Variants in FRS2 observed in about 807,000 individuals in gnomAD.
The protein encoded by FRS2 is FGFR signalling adaptor.
Under a neutral mutation model 43.9 loss-of-function variants are expected in FRS2, and 8 were observed. The observed-to-expected ratio is 0.18, with a 90% CI of 0.11 to 0.33. FRS2 has a LOEUF of 0.33. Among genes scored for constraint, FRS2 ranks in the 10% least tolerant of loss-of-function variants. The probability of loss-of-function intolerance (pLI) is 1.00; values close to 1 mark genes in which losing one functional copy is unlikely to be tolerated. For synonymous variants in FRS2, 219 were observed against 220.3 expected, an observed-to-expected ratio of 0.99 and a Z score of 0.05; for missense variants, 534 against 627.6, an observed-to-expected ratio of 0.85 and a Z score of 1.59.
intron 1 of FRS2, among the ~76,000 whole-genome samples, chr12:69,517,889 T>C (rs1450593842): frequency 6.6e-6 from 1 of 152,196 alleles, no homozygotes; most frequent in East Asian, 1.9e-4. Context: ...CACAGGCATT[T>C]TCCCCCCACT....
intron 3 of FRS2, among the ~76,000 whole-genome samples, chr12:69,549,238 A>G (rs956667743): frequency 7.2e-5 from 11 of 152,200 alleles, no homozygotes; most frequent in African/African-American, 2.7e-4. Flanking sequence ...TTGGACTTAC[A>G]AAGTTAAAAA....
Position 69,572,100 on chromosome 12 carries a change from C to G in FRS2, c.413-18C>G, listed in dbSNP as rs370121141. ...TGCCCCGCCCCCCTTTTCCTTAAACCAATAAACAAAAACTCAGCTCCAGGA... is the reference window on the plus strand; with the variant it reads ...TGCCCCGCCCCCCTTTTCCTTAAACGAATAAACAAAAACTCAGCTCCAGGA... On this transcript the variant is annotated intron_variant, in intron 7 of 8. Coordinates refer to ENST00000549921, the MANE Select transcript of FRS2 (RefSeq NM_001278356.2). The G allele has an allele frequency of 1.9e-6, 3 of 1,608,464 alleles. No individual in the cohort carries two copies. Among genetic ancestry groups the G allele is most frequent in the African/African-American group, 2.7e-5 (2 of 74,738 alleles).
chr12:69,541,370 G>A (rs144098406), intron 3 of FRS2, among the ~76,000 whole-genome samples: 1 of 152,150 alleles, frequency 6.6e-6, no homozygotes, highest in East Asian at 1.9e-4. Flanking sequence ...AAACTTCAGG[G>A]TAAACAAAAT....
rs1391584596 is a variant in FRS2, at chr12:69,578,812, A to G, written c.*3857A>G. ...ATAAAGGTAGCTTATTAGATTTTTA[A>G]TTTTTTCTTTTATAAAAAATTGTCC... On this transcript the variant is annotated 3_prime_UTR_variant, in exon 9 of 9. Coordinates refer to ENST00000549921, the MANE Select transcript of FRS2 (RefSeq NM_001278356.2). The G allele has an allele frequency of 6.6e-6, 1 of 152,526 alleles. No homozygotes were observed. The highest frequency in any genetic ancestry group is 2.4e-5 in the African/African-American group (1 of 41,412). The allele number at this position is 152,526 out of a possible 1,614,324, so 9.4% of individuals were successfully genotyped here.
intron 1 of FRS2, among the ~76,000 whole-genome samples, chr12:69,514,786 C>T (rs951627122): frequency 6.6e-6 from 1 of 151,604 alleles, no homozygotes; most frequent in Non-Finnish European, 1.5e-5. Flanking sequence ...TGAGCTAAAT[C>T]ACACCACTGC....
Position 69,495,696 on chromosome 12 carries a change from T to C in FRS2, c.-261+25166T>C, listed in dbSNP as rs1315679635. Reference sequence around the variant, plus strand: ...TGAGGCCAGGAGTTTAAGACTGGCCTGGGCAACATAGCAAGACACTGTCTC... The same window carrying C: ...TGAGGCCAGGAGTTTAAGACTGGCCCGGGCAACATAGCAAGACACTGTCTC... On this transcript the variant is annotated intron_variant, in intron 1 of 8. Coordinates refer to ENST00000549921, the MANE Select transcript of FRS2 (RefSeq NM_001278356.2). 7.2e-5 allele frequency among the ~76,000 whole-genome samples: 11 copies of C among 152,338 alleles called. No individual in the cohort carries two copies. In the East Asian group the frequency reaches 2.1e-3, roughly 29 times the overall value.
intron 3 of FRS2, among the ~76,000 whole-genome samples, chr12:69,548,759 A>T (rs1461083526): frequency 6.6e-6 from 1 of 152,224 alleles, no homozygotes; most frequent in Non-Finnish European, 1.5e-5. Context: ...GCTGTTAGGA[A>T]CAGCTCTTAA....
At chr12:69,492,904 A>G (rs183821587) in intron 1 of FRS2, among the ~76,000 whole-genome samples, 22 of 152,356 alleles carry the variant, frequency 1.4e-4, no homozygotes, top group East Asian at 3.9e-4. Flanking sequence ...ATGAGCATCA[A>G]CAAACACTTT....
intron 1 of FRS2, among the ~76,000 whole-genome samples, chr12:69,511,635 C>G (rs1374741893): frequency 6.6e-6 from 1 of 152,098 alleles, no homozygotes; most frequent in Non-Finnish European, 1.5e-5. Flanking sequence ...AGGATTAGGT[C>G]AGTCGTTGAG....
intron 3 of FRS2, among the ~76,000 whole-genome samples, chr12:69,539,428 T>C (rs1193903104): frequency 6.6e-6 from 1 of 152,144 alleles, no homozygotes; most frequent in Non-Finnish European, 1.5e-5. Context: ...TAATGAGATA[T>C]CTTGGGGATG....
intron 2 of FRS2, among the ~76,000 whole-genome samples, chr12:69,531,776 A>G (rs1876826660): frequency 6.6e-6 from 1 of 152,222 alleles, no homozygotes; most frequent in Non-Finnish European, 1.5e-5. Flanking sequence ...TCAGGTACCT[A>G]GCAAAATGAC....
intron 3 of FRS2, among the ~76,000 whole-genome samples, chr12:69,543,813 T>C (rs944748466): frequency 9.9e-5 from 15 of 152,162 alleles, no homozygotes; most frequent in South Asian, 2.1e-4. Context: ...AGGAGGCCAC[T>C]GTGGCTGGAG....
intron 1 of FRS2, among the ~76,000 whole-genome samples, chr12:69,519,748 T>C (rs143414330): frequency 3.4e-4 from 52 of 152,352 alleles, no homozygotes; most frequent in African/African-American, 1.2e-3. Flanking sequence ...CTTGTTCTTT[T>C]TTATGACAGT....
At chr12:69,570,288 G>T (rs370462870) in intron 5 of FRS2, 43 bp from the exon 6 acceptor site, 6 of 1,408,536 alleles carry the variant, frequency 4.3e-6, no homozygotes, top group Non-Finnish European at 6.0e-6. Flanking sequence ...TTTTCCTGAC[G>T]AATTGGTGAC....
intron 4 of FRS2, among the ~76,000 whole-genome samples, chr12:69,565,230 A>T (rs7967955): frequency 6.6e-6 from 1 of 152,216 alleles, no homozygotes; most frequent in Non-Finnish European, 1.5e-5. Flanking sequence ...TAAGAAAACT[A>T]TAAAAGAGAA....
intron 1 of FRS2, among the ~76,000 whole-genome samples, chr12:69,519,151 A>G (rs374461724): frequency 2.0e-5 from 3 of 152,286 alleles, no homozygotes; most frequent in African/African-American, 7.2e-5. Flanking sequence ...AGTCTCTGGG[A>G]CACATAGATA....
chr12:69,530,597 G>A (rs1005396079), intron 1 of FRS2, among the ~76,000 whole-genome samples: 2 of 152,156 alleles, frequency 1.3e-5, no homozygotes, highest in Admixed American at 6.5e-5. Flanking sequence ...TAAAAAATTG[G>A]CTGGCCGTGG....
intron 1 of FRS2, among the ~76,000 whole-genome samples, chr12:69,480,718 G>A (rs1365704319): frequency 1.3e-5 from 2 of 151,632 alleles, no homozygotes; most frequent in African/African-American, 4.8e-5. Flanking sequence ...TCCTTTTTTT[G>A]GGTAGTCTTA....
At chr12:69,567,214 A>G (rs927329145) in intron 4 of FRS2, among the ~76,000 whole-genome samples, 4 of 152,146 alleles carry the variant, frequency 2.6e-5, no homozygotes, top group African/African-American at 9.7e-5. Flanking sequence ...AGCTCTTCAA[A>G]GACAAAGATG....
Sources: gnomAD v4.1 joint callset for allele counts (sites outside exome capture counted in the v4.1 genomes callset) on GRCh38, gnomAD v4.1.1 for gene constraint, MANE v1.5 for transcripts, NCBI Gene and HGNC (gene_info 2026-07-23, HGNC 2026-07-21) for gene names.